FXR1: variants seen among roughly 807,000 people sequenced by gnomAD.
The protein encoded by FXR1 is RNA-binding protein FXR1.
In FXR1, 15 loss-of-function variants were observed where a neutral mutation model predicts 84.0. The ratio of observed to expected loss-of-function variants is 0.18; its 90% CI spans 0.12 to 0.27. The LOEUF is 0.27. FXR1 is among the 10% of genes least tolerant of loss of function. The probability of loss-of-function intolerance (pLI) is 1.00; values close to 1 mark genes in which losing one functional copy is unlikely to be tolerated. For missense variants in FXR1, 480 were observed against 774.4 expected, an observed-to-expected ratio of 0.62 and a Z score of 4.51; for synonymous variants, 245 against 250.7, an observed-to-expected ratio of 0.98 and a Z score of 0.21.
At chr3:180,914,397 A>G (rs1717631660) in intron 1 of FXR1, among the ~76,000 whole-genome samples, 1 of 151,784 alleles carries the variant, frequency 6.6e-6, no homozygotes, top group African/African-American at 2.4e-5. Flanking sequence ...TTAAATTCTC[A>G]CTATTTGGCC....
At position 180,948,006 on chromosome 3, in the gene FXR1, T is replaced by C. The variant is rs1185932254; in HGVS notation, c.270+70T>C. 4 of 861,118 alleles carry C rather than the reference T, an allele frequency of 4.6e-6. No individual in the cohort carries two copies. In the East Asian group the frequency reaches 9.9e-5, roughly 21 times the overall value. The allele number at this position is 861,118 out of a possible 1,614,324, so 53.3% of individuals were successfully genotyped here. A position where few individuals can be genotyped will look rare whatever the true frequency, so the allele number is the denominator to read the frequency against. On this transcript the variant is annotated intron_variant, in intron 4 of 16. Transcript: ENST00000357559. Reference sequence around the variant, plus strand: ...TACCTCAGTGCTTGGTTTTTGTAAATCTTATTTCAACTGTTAGTTTTATTT... The same window carrying C: ...TACCTCAGTGCTTGGTTTTTGTAAACCTTATTTCAACTGTTAGTTTTATTT...
intron 3 of FXR1, among the ~76,000 whole-genome samples, chr3:180,939,918 C>A (rs1309763745): frequency 6.6e-6 from 1 of 152,110 alleles, no homozygotes; most frequent in Non-Finnish European, 1.5e-5. Flanking sequence ...AGACTTGAGC[C>A]ATAAGAAATT....
intron 15 of FXR1, among the ~76,000 whole-genome samples, chr3:180,972,923 A>G (rs1364207002): frequency 3.9e-5 from 6 of 152,172 alleles, no homozygotes; most frequent in Non-Finnish European, 7.3e-5. Context: ...GCTAATATCA[A>G]TATTCTGTTT....
chr3:180,963,190 G>T (rs1254304647), intron 13 of FXR1, 100 bp downstream of exon 13: 29 of 615,962 alleles, frequency 4.7e-5, no homozygotes, highest in Non-Finnish European at 7.1e-5. Flanking sequence ...TCATTACTCT[G>T]TCTTGGCTTT....
chr3:180,926,704 G>A lies in FXR1; in HGVS notation c.52-6630G>A, dbSNP rs867735625. On this transcript the variant is annotated intron_variant, in intron 1 of 16. Coordinates refer to ENST00000357559, the MANE Select transcript of FXR1 (RefSeq NM_005087.4). ...TGTTTCTGATTACATTTGGTAGTCTGCCAAATACTAAGGTTTTAAAGTTTC... is the reference window on the plus strand; with the variant it reads ...TGTTTCTGATTACATTTGGTAGTCTACCAAATACTAAGGTTTTAAAGTTTC... Among the ~76,000 whole-genome samples the A allele has an allele frequency of 5.9e-5, 9 of 151,704 alleles. No homozygotes were observed. The South Asian group carries it at 8.3e-4, about 14-fold the overall frequency.
intron 1 of FXR1, among the ~76,000 whole-genome samples, chr3:180,913,081 G>C (rs1352464559): frequency 6.6e-6 from 1 of 152,294 alleles, no homozygotes; most frequent in African/African-American, 2.4e-5. Context: ...GGAGGTGGGG[G>C]AGTCGTGAAA....
At chr3:180,914,315 C>A (rs1370326343) in intron 1 of FXR1, among the ~76,000 whole-genome samples, 1 of 152,146 alleles carries the variant, frequency 6.6e-6, no homozygotes, top group Non-Finnish European at 1.5e-5. Flanking sequence ...AAAGAATAGA[C>A]TTATCTATGT....
intron 3 of FXR1, among the ~76,000 whole-genome samples, chr3:180,938,086 C>T (rs1720723100): frequency 6.6e-6 from 1 of 152,050 alleles, no homozygotes; most frequent in Non-Finnish European, 1.5e-5. Context: ...TTTGTAACCA[C>T]CTCAAAATTA....
rs371231893 is a variant in FXR1 at position 180,976,302 on chromosome 3, G to A, written c.*10G>A. The A allele has an allele frequency of 4.6e-5, 71 of 1,554,934 alleles. No individual in the cohort carries two copies. Among genetic ancestry groups the A allele is most frequent in the Non-Finnish European group, 5.8e-5 (66 of 1,145,912 alleles). ...GAATGGTGTTTCATAAACTGAAGAAGTTCCTAGTTTACAGTTCTTTTACAT... is the reference window on the plus strand; with the variant it reads ...GAATGGTGTTTCATAAACTGAAGAAATTCCTAGTTTACAGTTCTTTTACAT... On this transcript the variant is annotated 3_prime_UTR_variant, in exon 17 of 17. Transcript: ENST00000357559.
chr3:180,921,964 A>G (rs1317966178), intron 1 of FXR1, among the ~76,000 whole-genome samples: 2 of 152,186 alleles, frequency 1.3e-5, no homozygotes, highest in African/African-American at 4.8e-5. Flanking sequence ...ATAGGTACGC[A>G]TTCAGTTACA....
intron 3 of FXR1, among the ~76,000 whole-genome samples, chr3:180,942,377 CAAAAA>C (rs765066164): frequency 1.6e-4 from 5 of 31,128 alleles, no homozygotes; most frequent in South Asian, 2.1e-3. Context: ...GACTCCGTCT[CAAAAA>C]AAAAAAAAAA....
chr3:180,930,159 A>G (rs1170840611), intron 1 of FXR1, among the ~76,000 whole-genome samples: 1 of 152,136 alleles, frequency 6.6e-6, no homozygotes, highest in Non-Finnish European at 1.5e-5. Context: ...GCTACTTGGG[A>G]GGCTGAGGCA....
chr3:180,940,585 C>CGTTTTTT (rs369172519), intron 3 of FXR1, among the ~76,000 whole-genome samples: 28 of 147,470 alleles, frequency 1.9e-4, no homozygotes, highest in African/African-American at 6.8e-4. Context: ...TTTCTGTTTT[C>CGTTTTTT]TTTTTTTTTT....
intron 3 of FXR1, among the ~76,000 whole-genome samples, chr3:180,935,995 G>A (rs1251486145): frequency 1.3e-5 from 2 of 152,088 alleles, no homozygotes; most frequent in Non-Finnish European, 2.9e-5. Context: ...AGGTTCAAGC[G>A]ATTCACCTGC....
At chr3:180,944,327 T>C (rs1282720481) in intron 3 of FXR1, among the ~76,000 whole-genome samples, 2 of 83,098 alleles carry the variant, frequency 2.4e-5, no homozygotes, top group Admixed American at 2.2e-4. Context: ...TTATTGGACC[T>C]TTTTTTTTTT....
intron 15 of FXR1, 106 bp from the exon 16 acceptor site, chr3:180,975,207 C>T (rs1174558129): frequency 4.6e-6 from 2 of 438,874 alleles, no homozygotes; most frequent in East Asian, 3.6e-5. Flanking sequence ...AAAATTTTGA[C>T]ACTGGGTGAC....
rs5854881 is a variant in FXR1 at position 180,931,739 on chromosome 3, GTT to G, written c.52-1576_52-1575del. On this transcript the variant is annotated intron_variant, in intron 1 of 16. Transcript: ENST00000357559. ...TGCCCTTAAAAATTAGTTGTTGTGGGTTTTTTTTTTTTTTTTTTTTGGAGATG... is the reference window on the plus strand; with the variant it reads ...TGCCCTTAAAAATTAGTTGTTGTGGGTTTTTTTTTTTTTTTTTTGGAGATG... Among the ~76,000 whole-genome samples the G allele has an allele frequency of 5.9e-3, 602 of 101,414 alleles. 3 individuals carry two copies. The highest frequency in any genetic ancestry group is 0.021 in the African/African-American group (508 of 23,780). The allele number at this position is 101,414 out of a possible 152,430, so 66.5% of individuals were successfully genotyped here.
intron 1 of FXR1, among the ~76,000 whole-genome samples, chr3:180,926,506 A>ATATATATATATTTTTTTTTTTTT (rs72192827): frequency 4.0e-5 from 5 of 124,370 alleles, no homozygotes; most frequent in African/African-American, 1.5e-4. Context: ...ATATATATAT[A>ATATATATATATTTTTTTTTTTTT]TTTTTTTTTC....
chr3:180,948,263 A>C, intron 4 of FXR1, 84 bp from the exon 5 acceptor site: 1 of 982,940 alleles, frequency 1.0e-6, no homozygotes, highest in Non-Finnish European at 1.5e-6. Context: ...CCGTTGGTTA[A>C]GCTGAGCAAG....
Sources: gnomAD v4.1 joint callset for allele counts (sites outside exome capture counted in the v4.1 genomes callset) on GRCh38, gnomAD v4.1.1 for gene constraint, MANE v1.5 for transcripts, NCBI Gene and HGNC (gene_info 2026-07-23, HGNC 2026-07-21) for gene names.